CADPS2: variants seen among roughly 807,000 people sequenced by gnomAD.
CADPS2 encodes calcium dependent secretion activator 2, also known as calcium-dependent secretion activator 2.
Under a neutral mutation model 172.5 loss-of-function variants are expected in CADPS2, and 93 were observed. The observed-to-expected ratio is 0.54, with a 90% CI of 0.46 to 0.64. CADPS2 has a LOEUF of 0.64. Among genes scored for constraint, CADPS2 ranks in the 30% least tolerant of loss-of-function variants. The pLI is 0.00. For missense variants in CADPS2, 1,420 were observed against 1,565.9 expected (o/e 0.91, Z 1.57); for synonymous variants, 546 against 555.2 (o/e 0.98, Z 0.23).
intron 1 of CADPS2, among the ~76,000 whole-genome samples, chr7:122,829,329 G>A (rs913570954): frequency 2.0e-5 from 3 of 152,184 alleles, no homozygotes; most frequent in East Asian, 1.9e-4. Context: ...TTCAACATTA[G>A]GATGAAGCAG....
intron 14 of CADPS2, among the ~76,000 whole-genome samples, chr7:122,457,579 T>C (rs1293874578): frequency 1.3e-5 from 2 of 152,150 alleles, no homozygotes; most frequent in Non-Finnish European, 2.9e-5. Context: ...TGAAGGGGTC[T>C]GAGAAGCCTG....
intron 2 of CADPS2, chr7:122,681,717 G>T: frequency 1.7e-6 from 1 of 600,880 alleles, no homozygotes. Flanking sequence ...AAAATAAAAT[G>T]GAAATTGTAA....
intron 3 of CADPS2, 94 bp downstream of exon 3, chr7:122,663,143 A>G: frequency 1.1e-6 from 1 of 897,694 alleles, no homozygotes; most frequent in Non-Finnish European, 1.7e-6. Context: ...TAAAGTGATT[A>G]TAGCAAGTAA....
At chr7:122,739,050 G>T (rs1186411206) in intron 1 of CADPS2, among the ~76,000 whole-genome samples, 1 of 152,042 alleles carries the variant, frequency 6.6e-6, no homozygotes, top group Non-Finnish European at 1.5e-5. Context: ...GTGCATACTA[G>T]CAACGCAAAT....
chr7:122,642,512 C>T (rs1194736999), intron 3 of CADPS2, among the ~76,000 whole-genome samples: 2 of 148,612 alleles, frequency 1.3e-5, no homozygotes, highest in Non-Finnish European at 3.0e-5. Context: ...AAATGTTAAA[C>T]GTAGCATAAA....
intron 1 of CADPS2, among the ~76,000 whole-genome samples, chr7:122,820,583 G>T (rs1265318871): frequency 2.9e-5 from 3 of 104,732 alleles, no homozygotes; most frequent in Non-Finnish European, 5.5e-5. Context: ...TTTTTGAGAC[G>T]GAGTCTCGCT....
chr7:122,468,197 T>C (rs2055414450), intron 14 of CADPS2, among the ~76,000 whole-genome samples: 1 of 152,184 alleles, frequency 6.6e-6, no homozygotes, highest in Admixed American at 6.5e-5. Flanking sequence ...CTTTTGAATT[T>C]ATGACAGAGG....
At chr7:122,384,388 G>A (rs1407456329) in intron 24 of CADPS2, among the ~76,000 whole-genome samples, 1 of 151,994 alleles carries the variant, frequency 6.6e-6, no homozygotes, top group African/African-American at 2.4e-5. Flanking sequence ...TAACTATGTA[G>A]TATATATTTT....
intron 8 of CADPS2, among the ~76,000 whole-genome samples, chr7:122,554,097 A>G (rs2064691748): frequency 6.6e-6 from 1 of 152,094 alleles, no homozygotes; most frequent in South Asian, 2.1e-4. Context: ...GTTTGGATCA[A>G]CACTCATATC....
chr7:122,680,383 C>T (rs1266254867), intron 2 of CADPS2, among the ~76,000 whole-genome samples: 1 of 152,186 alleles, frequency 6.6e-6, no homozygotes, highest in Admixed American at 6.5e-5. Flanking sequence ...TTCTAAATCC[C>T]TTATGATTAA....
intron 1 of CADPS2, among the ~76,000 whole-genome samples, chr7:122,830,577 T>C (rs560106313): frequency 6.6e-6 from 1 of 152,360 alleles, no homozygotes; most frequent in East Asian, 1.9e-4. Context: ...TGAATATTTT[T>C]CAACAATTTG....
At chr7:122,712,399 A>C (rs1285848706) in intron 2 of CADPS2, among the ~76,000 whole-genome samples, 1 of 152,144 alleles carries the variant, frequency 6.6e-6, no homozygotes, top group Non-Finnish European at 1.5e-5. Flanking sequence ...AAATGTCTAC[A>C]TTATTGATTA....
intron 20 of CADPS2, among the ~76,000 whole-genome samples, chr7:122,400,841 C>G (rs143073583): frequency 6.6e-6 from 1 of 152,166 alleles, no homozygotes; most frequent in Non-Finnish European, 1.5e-5. Context: ...GAGAATAACA[C>G]GCAGGTGTCA....
intron 6 of CADPS2, among the ~76,000 whole-genome samples, chr7:122,600,120 A>T (rs2072521089): frequency 6.6e-6 from 1 of 152,120 alleles, no homozygotes. Flanking sequence ...GATGGCTATA[A>T]AAATGGATGG....
chr7:122,405,906 C>G (rs767161456), intron 20 of CADPS2, among the ~76,000 whole-genome samples: 1 of 152,162 alleles, frequency 6.6e-6, no homozygotes, highest in Non-Finnish European at 1.5e-5. Flanking sequence ...TTAATGCTCA[C>G]TGACAATGAC....
chr7:122,463,256 C>T (rs1164006402), intron 14 of CADPS2, among the ~76,000 whole-genome samples: 2 of 152,038 alleles, frequency 1.3e-5, no homozygotes, highest in African/African-American at 4.8e-5. Context: ...ATCACATTCT[C>T]TGAACACAAA....
At position 122,874,795 on chromosome 7, in the gene CADPS2, T is replaced by C. The variant is rs560089688; in HGVS notation, c.339+11204A>G. Among the ~76,000 whole-genome samples the C allele has an allele frequency of 3.5e-4, 53 of 152,306 alleles. No individual in the cohort carries two copies. In the South Asian group the frequency reaches 8.1e-3, roughly 23 times the overall value. ...AAGCAATGGAGAAAGGATTTCCTAT[T>C]TAATAAATGGTGTTGGGAAAACTGG... is the stretch of plus-strand genomic sequence containing the variant. On this transcript the variant is annotated intron_variant, in intron 1 of 29. Coordinates refer to ENST00000449022, the MANE Select transcript of CADPS2 (RefSeq NM_017954.11).
chr7:122,363,109 T>C (rs2040400823), intron 25 of CADPS2, among the ~76,000 whole-genome samples: 1 of 152,226 alleles, frequency 6.6e-6, no homozygotes, highest in Non-Finnish European at 1.5e-5. Flanking sequence ...TTAGGATTTC[T>C]TACCAATCAT....
chr7:122,618,947 T>C (rs2075275316), intron 5 of CADPS2, among the ~76,000 whole-genome samples: 1 of 152,146 alleles, frequency 6.6e-6, no homozygotes, highest in Non-Finnish European at 1.5e-5. Context: ...ATATCTGCCT[T>C]AGATAGACAT....
Sources: gnomAD v4.1 joint callset for allele counts (sites outside exome capture counted in the v4.1 genomes callset) on GRCh38, gnomAD v4.1.1 for gene constraint, MANE v1.5 for transcripts, NCBI Gene and HGNC (gene_info 2026-07-23, HGNC 2026-07-21) for gene names.